The following TDRD3 variants were observed in gnomAD, a reference collection of about 807,000 sequenced individuals.
TDRD3 encodes tudor domain-containing protein 3.
Under a neutral mutation model 86.7 loss-of-function variants are expected in TDRD3, and 45 were observed. That is an observed-to-expected ratio of 0.52 (90% CI 0.41 to 0.67). The LOEUF is 0.67. TDRD3 is among the 30% of genes least tolerant of loss of function. TDRD3 has a pLI of 0.00. For synonymous variants in TDRD3, 298 were observed against 301.7 expected, an observed-to-expected ratio of 0.99 and a Z score of 0.13; for missense variants, 814 against 889.0, an observed-to-expected ratio of 0.92 and a Z score of 1.07.
chr13:60,397,722 C>G (rs1781404447), intron 1 of TDRD3, among the ~76,000 whole-genome samples: 2 of 150,968 alleles, frequency 1.3e-5, no homozygotes, highest in African/African-American at 4.8e-5. Flanking sequence ...CCCCGGCCGA[C>G]CGGAGCGCCG....
chr13:60,485,852 A>T lies in TDRD3; in HGVS notation c.621A>T (p.Thr207=). ...GCAGAGAACTTGATCGAAGAAAAACATTGCAAGTTACAATGCCTGTCAAAC... is the reference window on the plus strand; with the variant it reads ...GCAGAGAACTTGATCGAAGAAAAACTTTGCAAGTTACAATGCCTGTCAAAC... ...VDSRELDRRK[T]LQVTMPVKPT... The change falls in exon 7 of 14, where the codon ACA becomes ACT. Residue 207 remains threonine, a synonymous_variant. Coordinates refer to ENST00000377881, the MANE Select transcript of TDRD3 (RefSeq NM_001146070.2). The T allele has an allele frequency of 6.2e-7, 1 of 1,610,746 alleles. No homozygotes were observed. Among genetic ancestry groups the T allele is most frequent in the South Asian group, 1.1e-5 (1 of 90,440 alleles).
intron 1 of TDRD3, among the ~76,000 whole-genome samples, chr13:60,438,235 A>G (rs1338022382): frequency 1.3e-5 from 2 of 152,278 alleles, no homozygotes; most frequent in Admixed American, 6.5e-5. Flanking sequence ...TTCATTATTC[A>G]TAGTGAAAAA....
Position 60,513,258 on chromosome 13 carries a change from A to G in TDRD3, c.1141+2503A>G, listed in dbSNP as rs534857819. On this transcript the variant is annotated intron_variant, in intron 10 of 13. Coordinates refer to ENST00000377881, the MANE Select transcript of TDRD3 (RefSeq NM_001146070.2). ...GCAGGGCACCAAGTCCCTAGGCTGC[A>G]CATAGCATGGGGACCCTGGGCCCAG... 8.5e-5 allele frequency among the ~76,000 whole-genome samples: 13 copies of G among 152,290 alleles called. No homozygotes were observed. In the East Asian group the frequency reaches 2.3e-3, roughly 27 times the overall value.
chr13:60,515,989 T>C (rs1403337938), intron 10 of TDRD3, among the ~76,000 whole-genome samples: 1 of 152,210 alleles, frequency 6.6e-6, no homozygotes, highest in Non-Finnish European at 1.5e-5. Flanking sequence ...GGACAGCTAA[T>C]GAAGAGAGTT....
intron 12 of TDRD3, among the ~76,000 whole-genome samples, chr13:60,562,249 GTTGCAGCGAGCCAAGA>G (rs951063926): frequency 2.0e-5 from 3 of 151,990 alleles, no homozygotes; most frequent in African/African-American, 7.2e-5. Context: ...GGAGGTGGAG[GTTGCAGCGAGCCAAGA>G]TTGCACCACT....
At chr13:60,476,933 C>T (rs796134914) in intron 5 of TDRD3, among the ~76,000 whole-genome samples, 37 of 151,864 alleles carry the variant, frequency 2.4e-4, no homozygotes, top group African/African-American at 7.3e-4. Flanking sequence ...ATTTGTTTAT[C>T]GGCTCTAGAA....
At chr13:60,511,782 T>C (rs1294531264) in intron 10 of TDRD3, among the ~76,000 whole-genome samples, 2 of 152,174 alleles carry the variant, frequency 1.3e-5, no homozygotes, top group African/African-American at 4.8e-5. Flanking sequence ...GCCTGGAGAC[T>C]GCTTTATCTC....
intron 7 of TDRD3, among the ~76,000 whole-genome samples, chr13:60,490,434 A>G (rs1956560947): frequency 6.6e-6 from 1 of 152,154 alleles, no homozygotes; most frequent in Non-Finnish European, 1.5e-5. Context: ...AGCAGAGAGA[A>G]CAGAGGGACA....
intron 4 of TDRD3, among the ~76,000 whole-genome samples, chr13:60,462,537 G>T (rs1328117795): frequency 6.6e-6 from 1 of 152,150 alleles, no homozygotes; most frequent in Admixed American, 6.5e-5. Context: ...ATCTTAGAAG[G>T]AAGGTGAAAC....
At chr13:60,534,079 G>C (rs549087673) in intron 11 of TDRD3, among the ~76,000 whole-genome samples, 2 of 152,296 alleles carry the variant, frequency 1.3e-5, no homozygotes, top group East Asian at 3.9e-4. Context: ...GGGAGGCCAA[G>C]TAGAGAAGAT....
chr13:60,505,237 G>T (rs1244170820), intron 8 of TDRD3, among the ~76,000 whole-genome samples: 1 of 152,164 alleles, frequency 6.6e-6, no homozygotes, highest in African/African-American at 2.4e-5. Flanking sequence ...GACCTGGGAT[G>T]CTTGAGCTTG....
chr13:60,549,622 T>C (rs1958004027), intron 12 of TDRD3, among the ~76,000 whole-genome samples: 1 of 152,132 alleles, frequency 6.6e-6, no homozygotes, highest in South Asian at 2.1e-4. Context: ...GTGAGAGATA[T>C]CAGTGTTTAA....
intron 3 of TDRD3, among the ~76,000 whole-genome samples, chr13:60,449,446 A>G (rs1479384320): frequency 6.6e-6 from 1 of 152,150 alleles, no homozygotes; most frequent in Non-Finnish European, 1.5e-5. Context: ...TTTGGTTCCA[A>G]GGAACAAAAA....
At chr13:60,444,627 G>T in intron 2 of TDRD3, 56 bp from the exon 3 acceptor site, 1 of 1,034,172 alleles carries the variant, frequency 9.7e-7, no homozygotes, top group South Asian at 1.8e-5. Flanking sequence ...CATGAGGTTA[G>T]ATTTAAATTT....
At chr13:60,423,473 T>C (rs1266108756) in intron 1 of TDRD3, among the ~76,000 whole-genome samples, 2 of 152,198 alleles carry the variant, frequency 1.3e-5, no homozygotes, top group East Asian at 3.9e-4. Context: ...TATACCTCGA[T>C]AAGAGAAAAT....
chr13:60,548,510 G>A (rs1360777945), intron 12 of TDRD3, among the ~76,000 whole-genome samples: 1 of 152,108 alleles, frequency 6.6e-6, no homozygotes, highest in East Asian at 1.9e-4. Context: ...TTACCATGGA[G>A]CATAATAACA....
At chr13:60,504,250 G>C in intron 8 of TDRD3, among the ~76,000 whole-genome samples, 1 of 152,140 alleles carries the variant, frequency 6.6e-6, no homozygotes, top group Admixed American at 6.5e-5. Flanking sequence ...CACCTTGCTT[G>C]TAAAACTGTT....
intron 8 of TDRD3, among the ~76,000 whole-genome samples, chr13:60,500,429 GT>G (rs948264581): frequency 1.5e-4 from 23 of 152,276 alleles, no homozygotes; most frequent in African/African-American, 5.1e-4. Context: ...CTCATGGGGA[GT>G]CCCTATGATC....
chr13:60,510,064 A>G, intron 9 of TDRD3, 145 bp downstream of exon 9: 2 of 936,600 alleles, frequency 2.1e-6, no homozygotes, highest in South Asian at 1.9e-5. Flanking sequence ...TGGGAACCAT[A>G]GAGACATTTG....
Sources: allele counts gnomAD v4.1 joint callset (sites outside exome capture counted in the v4.1 genomes callset), GRCh38; gene constraint gnomAD v4.1.1; transcripts MANE v1.5; gene names NCBI Gene and HGNC (gene_info 2026-07-23, HGNC 2026-07-21).